Variants in ASAP1 observed in about 807,000 individuals in gnomAD.
ASAP1 encodes arf-GAP with SH3 domain, ANK repeat and PH domain-containing protein 1.
A neutral mutation model predicts 145.2 loss-of-function variants in ASAP1; 43 were observed. The observed-to-expected ratio is 0.30, with a 90% CI of 0.23 to 0.38. The LOEUF (loss-of-function observed/expected upper bound fraction) is 0.38. Ranked by LOEUF, ASAP1 falls within the 10% of genes least tolerant of loss-of-function variation. The pLI is 1.00. For missense variants in ASAP1, 1,018 were observed against 1,355.3 expected (o/e 0.75, Z 3.91); for synonymous variants, 546 against 515.5 (o/e 1.06, Z -0.80).
chr8:130,324,421 T>A (rs1824201553), intron 3 of ASAP1, among the ~76,000 whole-genome samples: 4 of 152,156 alleles, frequency 2.6e-5, no homozygotes, highest in Admixed American at 2.6e-4. Flanking sequence ...GAGAGCTGTA[T>A]CCACTTGCAA....
At chr8:130,103,829 T>C (rs747612689) in intron 24 of ASAP1, among the ~76,000 whole-genome samples, 9 of 152,216 alleles carry the variant, frequency 5.9e-5, no homozygotes, top group Non-Finnish European at 1.2e-4. Context: ...TTTCTTTTTC[T>C]ATGTAGGCAT....
chr8:130,055,837 C>T (rs377668252), intron 29 of ASAP1, among the ~76,000 whole-genome samples: 68 of 152,348 alleles, frequency 4.5e-4, no homozygotes, highest in African/African-American at 1.5e-3. Flanking sequence ...GTCAACCAGG[C>T]CTGCCCAGCT....
At chr8:130,148,913 C>A (rs566832009) in intron 13 of ASAP1, among the ~76,000 whole-genome samples, 6 of 151,916 alleles carry the variant, frequency 3.9e-5, no homozygotes, top group African/African-American at 1.2e-4. Context: ...TGGCTCACTG[C>A]GGCCTCTGCC....
chr8:130,195,359 A>T (rs1389108825), intron 5 of ASAP1: 1 of 146,116 alleles, frequency 6.8e-6, no homozygotes, highest in African/African-American at 2.5e-5. Context: ...AAGTATAGCA[A>T]GACTCCACCA....
At chr8:130,078,680 T>C (rs1266626685) in intron 26 of ASAP1, among the ~76,000 whole-genome samples, 1 of 151,828 alleles carries the variant, frequency 6.6e-6, no homozygotes, top group African/African-American at 2.4e-5. Context: ...TCCCCCAAAT[T>C]AGGGTTGAAG....
At chr8:130,315,856 T>G (rs1823634778) in intron 3 of ASAP1, among the ~76,000 whole-genome samples, 1 of 152,222 alleles carries the variant, frequency 6.6e-6, no homozygotes, top group African/African-American at 2.4e-5. Context: ...AACTTCCAAG[T>G]GCTAGCTTCC....
At chr8:130,143,756 C>T (rs1244760623) in intron 13 of ASAP1, among the ~76,000 whole-genome samples, 2 of 152,186 alleles carry the variant, frequency 1.3e-5, no homozygotes, top group African/African-American at 2.4e-5. Flanking sequence ...AAAATAAACA[C>T]CGCACATTTG....
chr8:130,189,599 AGT>A (rs1257105982), intron 5 of ASAP1, among the ~76,000 whole-genome samples: 2 of 152,230 alleles, frequency 1.3e-5, no homozygotes, highest in Non-Finnish European at 2.9e-5. Context: ...TACTGTGAAT[AGT>A]GCTCCGATGA....
intron 1 of ASAP1, among the ~76,000 whole-genome samples, chr8:130,422,112 T>C (rs950044019): frequency 1.3e-5 from 2 of 152,108 alleles, no homozygotes; most frequent in African/African-American, 4.8e-5. Flanking sequence ...AGGGGAATAC[T>C]CCAGCTCAGA....
intron 27 of ASAP1, among the ~76,000 whole-genome samples, chr8:130,075,106 AT>A (rs1255171528): frequency 2.0e-5 from 3 of 152,172 alleles, no homozygotes; most frequent in Admixed American, 6.5e-5. Context: ...GTAGGGTGAT[AT>A]GTGAGCGATC....
chr8:130,074,484 C>CAGAG (rs1239217956), intron 27 of ASAP1, among the ~76,000 whole-genome samples: 6 of 136,388 alleles, frequency 4.4e-5, no homozygotes, highest in South Asian at 2.5e-4. Flanking sequence ...CACACACACA[C>CAGAG]ACAGAGAGAA....
At chr8:130,243,408 T>C (rs1733531218) in intron 3 of ASAP1, among the ~76,000 whole-genome samples, 1 of 152,126 alleles carries the variant, frequency 6.6e-6, no homozygotes, top group Non-Finnish European at 1.5e-5. Context: ...TTTGTAAGGA[T>C]TCACTGACAT....
At chr8:130,251,106 C>T (rs372481405) in intron 3 of ASAP1, among the ~76,000 whole-genome samples, 68 of 152,166 alleles carry the variant, frequency 4.5e-4, no homozygotes, top group African/African-American at 1.5e-3. Context: ...TTTTGGAACA[C>T]CAATATAGAA....
chr8:130,119,045 A>G (rs1564980959), intron 18 of ASAP1, among the ~76,000 whole-genome samples: 2 of 152,210 alleles, frequency 1.3e-5, no homozygotes, highest in Admixed American at 1.3e-4. Flanking sequence ...AAGACCAATT[A>G]AAAGTTTTCA....
chr8:130,408,447 G>C (rs773924118), intron 1 of ASAP1, among the ~76,000 whole-genome samples: 4 of 152,068 alleles, frequency 2.6e-5, no homozygotes, highest in Non-Finnish European at 5.9e-5. Flanking sequence ...GGACACTGGC[G>C]CTCCTGGTTC....
chr8:130,283,883 G>A (rs1311586037), intron 3 of ASAP1, among the ~76,000 whole-genome samples: 1 of 152,148 alleles, frequency 6.6e-6, no homozygotes, highest in Non-Finnish European at 1.5e-5. Context: ...CTAAAAAAAT[G>A]GTGCCATTTC....
At chr8:130,125,011 C>T (rs377139229) in intron 17 of ASAP1, among the ~76,000 whole-genome samples, 68 of 152,238 alleles carry the variant, frequency 4.5e-4, no homozygotes, top group African/African-American at 1.5e-3. Context: ...AGACAGATCA[C>T]GATTGCTTAG....
At chr8:130,383,305 G>A (rs552171933) in intron 2 of ASAP1, among the ~76,000 whole-genome samples, 9 of 152,304 alleles carry the variant, frequency 5.9e-5, no homozygotes, top group South Asian at 4.1e-4. Context: ...GCCAGTGAGC[G>A]TGGGTGCATG....
intron 28 of ASAP1, 106 bp from the exon 29 acceptor site, chr8:130,058,182 T>G: frequency 8.0e-7 from 1 of 1,252,056 alleles, no homozygotes. Flanking sequence ...TTAACCTCGC[T>G]GAGCCTTGAT....
Sources: allele counts gnomAD v4.1 joint callset (sites outside exome capture counted in the v4.1 genomes callset), GRCh38; gene constraint gnomAD v4.1.1; transcripts MANE v1.5; gene names NCBI Gene and HGNC (gene_info 2026-07-23, HGNC 2026-07-21).